ASTN2: variants seen among roughly 807,000 people sequenced by gnomAD.
ASTN2 encodes the protein astrotactin-2.
In ASTN2, 54 loss-of-function variants were observed where a neutral mutation model predicts 139.8. That is an observed-to-expected ratio of 0.39 (90% CI 0.31 to 0.48). The LOEUF (loss-of-function observed/expected upper bound fraction) is 0.48. Ranked by LOEUF, ASTN2 falls within the 20% of genes least tolerant of loss-of-function variation. ASTN2 has a pLI of 0.95. For missense variants in ASTN2, 1,565 were observed against 1,725.1 expected (o/e 0.91, Z 1.64); for synonymous variants, 756 against 719.5 (o/e 1.05, Z -0.81).
chr9:116,634,977 G>C (rs2131875592), intron 17 of ASTN2, among the ~76,000 whole-genome samples: 1 of 152,190 alleles, frequency 6.6e-6, no homozygotes, highest in East Asian at 1.9e-4. Flanking sequence ...GAAAAAAAAG[G>C]AAGCAAGAGG....
At chr9:117,275,426 TCTAA>T (rs1358435526) in intron 2 of ASTN2, among the ~76,000 whole-genome samples, 2 of 152,156 alleles carry the variant, frequency 1.3e-5, no homozygotes, top group Non-Finnish European at 2.9e-5. Context: ...AGGCTGGAAG[TCTAA>T]CATCGAGGCA....
intron 2 of ASTN2, among the ~76,000 whole-genome samples, chr9:117,243,818 G>C (rs1255526038): frequency 6.6e-6 from 1 of 152,174 alleles, no homozygotes; most frequent in Non-Finnish European, 1.5e-5. Flanking sequence ...GACACTGTCA[G>C]ATACTTCAAG....
intron 20 of ASTN2, among the ~76,000 whole-genome samples, chr9:116,461,881 G>A (rs910572543): frequency 1.6e-4 from 24 of 152,138 alleles, no homozygotes; most frequent in Non-Finnish European, 1.2e-4. Flanking sequence ...ACAGATGGAC[G>A]ACAACAGTGA....
At chr9:116,945,001 T>G (rs1338211421) in intron 10 of ASTN2, among the ~76,000 whole-genome samples, 2 of 152,176 alleles carry the variant, frequency 1.3e-5, no homozygotes, top group Non-Finnish European at 2.9e-5. Flanking sequence ...TCAGCTCAAC[T>G]GTGTCATCAA....
chr9:117,360,300 G>T (rs1024815631), intron 1 of ASTN2, among the ~76,000 whole-genome samples: 12 of 152,126 alleles, frequency 7.9e-5, no homozygotes, highest in African/African-American at 2.9e-4. Flanking sequence ...AATTAAATAG[G>T]TAATGAGGGT....
chr9:117,374,044 C>T lies in ASTN2; in HGVS notation c.442+40453G>A, dbSNP rs574630810. On this transcript the variant is annotated intron_variant, in intron 1 of 22. Coordinates refer to ENST00000313400, the MANE Select transcript of ASTN2 (RefSeq NM_001365068.1). ...AGGGGAAAAATACATGAAATAGAAG[C>T]TTTAAGAATGAAGAAAGTGGGGGAA... Among the ~76,000 whole-genome samples, 4 of 152,196 alleles carry T rather than the reference C, an allele frequency of 2.6e-5. No individual in the cohort carries two copies. In the South Asian group the frequency reaches 8.3e-4, roughly 32 times the overall value.
At chr9:116,956,260 T>A (rs988065466) in intron 10 of ASTN2, among the ~76,000 whole-genome samples, 5 of 150,308 alleles carry the variant, frequency 3.3e-5, no homozygotes. Context: ...CACGTCTGGC[T>A]AATTTTGTAT....
intron 5 of ASTN2, among the ~76,000 whole-genome samples, chr9:117,063,902 G>C (rs942917433): frequency 6.6e-6 from 1 of 152,028 alleles, no homozygotes; most frequent in Non-Finnish European, 1.5e-5. Flanking sequence ...AGCTAGCCGA[G>C]AGCTATAAAT....
chr9:116,948,487 A>G (rs1231910196), intron 10 of ASTN2, among the ~76,000 whole-genome samples: 2 of 152,152 alleles, frequency 1.3e-5, no homozygotes, highest in Non-Finnish European at 2.9e-5. Flanking sequence ...GAACAACAAG[A>G]TATTACTGGT....
At chr9:116,790,955 AAAAGAAAGAAGGAAAG>A (rs1830517264) in intron 13 of ASTN2, among the ~76,000 whole-genome samples, 2 of 99,702 alleles carry the variant, frequency 2.0e-5, no homozygotes, top group Non-Finnish European at 4.3e-5. Context: ...AGAAAGAAAG[AAAAGAAAGAAGGAAAG>A]AAAGAAAGAA....
At position 116,952,708 on chromosome 9, in the gene ASTN2, C is replaced by T. The variant is rs533441594; in HGVS notation, c.1889+22500G>A. On this transcript the variant is annotated intron_variant, in intron 10 of 22. Transcript: ENST00000313400. ...TGTTAAGCTGCCCATTCATCATCCA[C>T]ACCTGCTGTCAGGAGCCCAGGGCCG... Among the ~76,000 whole-genome samples, 3 of 152,334 alleles carry T rather than the reference C, an allele frequency of 2.0e-5. No individual in the cohort carries two copies. In the South Asian group the frequency reaches 6.2e-4, roughly 32 times the overall value.
At position 116,988,886 on chromosome 9, in the gene ASTN2, C is replaced by T. The variant is rs139522915; in HGVS notation, c.1592-12101G>A. On this transcript the variant is annotated intron_variant, in intron 7 of 22. Coordinates refer to ENST00000313400, the MANE Select transcript of ASTN2 (RefSeq NM_001365068.1). ...TGCTGGGTGGCCTTACTCAAGTCAT[C>T]TCATCTCTCTGAGTTTCATCATTTT... 1.2e-3 allele frequency among the ~76,000 whole-genome samples: 176 copies of T among 152,234 alleles called. 6 individuals are homozygous for T. The East Asian group carries it at 0.025, about 22-fold the overall frequency.
intron 20 of ASTN2, among the ~76,000 whole-genome samples, chr9:116,475,412 G>A (rs1353350053): frequency 1.3e-5 from 2 of 148,384 alleles, no homozygotes; most frequent in African/African-American, 5.0e-5. Flanking sequence ...GCTGCCCTGA[G>A]CATGGGGCTC....
intron 3 of ASTN2, 135 bp downstream of exon 3, chr9:117,214,223 A>T: frequency 9.3e-7 from 1 of 1,079,072 alleles, no homozygotes; most frequent in Admixed American, 2.3e-5. Context: ...AACCCAACAG[A>T]AATCTAAAGC....
At chr9:116,817,380 G>T (rs1831361578) in intron 12 of ASTN2, among the ~76,000 whole-genome samples, 1 of 152,118 alleles carries the variant, frequency 6.6e-6, no homozygotes, top group South Asian at 2.1e-4. Context: ...GCCTCTTAGG[G>T]CTCAGAGAAG....
At chr9:116,578,641 T>TAC (rs1268977256) in intron 19 of ASTN2, among the ~76,000 whole-genome samples, 1 of 113,118 alleles carries the variant, frequency 8.8e-6, no homozygotes, top group Non-Finnish European at 2.0e-5. Context: ...TGTGTGTGTG[T>TAC]GTGTGTGTGT....
At chr9:116,780,155 C>T (rs927082479) in intron 13 of ASTN2, among the ~76,000 whole-genome samples, 5 of 152,186 alleles carry the variant, frequency 3.3e-5, no homozygotes, top group Non-Finnish European at 1.5e-5. Flanking sequence ...GAGAAATTCA[C>T]AAACCAGCCA....
rs542370181 is a variant in ASTN2, at chr9:116,821,177, A to T, written c.2041-394T>A. On this transcript the variant is annotated intron_variant, in intron 11 of 22. Coordinates refer to ENST00000313400, the MANE Select transcript of ASTN2 (RefSeq NM_001365068.1). The stretch of plus-strand genomic sequence containing the variant: ...TAGGGTCTACTGCTAGAAGGGTCAC[A>T]TAGGGAGGCTGCCAGATATATATTT... 2.0e-5 allele frequency among the ~76,000 whole-genome samples: 3 copies of T among 152,292 alleles called. No homozygotes were observed. The East Asian group carries it at 5.8e-4, about 29-fold the overall frequency.
At chr9:117,360,139 T>G (rs184004137) in intron 1 of ASTN2, among the ~76,000 whole-genome samples, 9 of 152,300 alleles carry the variant, frequency 5.9e-5, no homozygotes, top group African/African-American at 1.9e-4. Context: ...AGGTTAGGAC[T>G]GTCTTGGTTT....
Sources: gnomAD v4.1 joint callset for allele counts (sites outside exome capture counted in the v4.1 genomes callset) on GRCh38, gnomAD v4.1.1 for gene constraint, MANE v1.5 for transcripts, NCBI Gene and HGNC (gene_info 2026-07-23, HGNC 2026-07-21) for gene names.